DCC: variants seen among roughly 807,000 people sequenced by gnomAD.
DCC encodes the protein DCC netrin 1 receptor.
DCC carries 58 observed loss-of-function variants against 172.5 expected under a neutral mutation model. The observed-to-expected ratio is 0.34, with a 90% confidence interval of 0.27 to 0.42. The LOEUF is 0.42. DCC is among the 10% of genes least tolerant of loss of function. The pLI is 1.00. For synonymous variants in DCC, 709 were observed against 644.5 expected (o/e 1.10, Z -1.52); for missense variants, 1,740 against 1,791.0 (o/e 0.97, Z 0.51).
intron 1 of DCC, among the ~76,000 whole-genome samples, chr18:52,418,867 T>G (rs1432230148): frequency 6.9e-6 from 1 of 144,740 alleles, no homozygotes; most frequent in Non-Finnish European, 1.5e-5. Flanking sequence ...TCTTTTTTTT[T>G]TTTTTTTTTT....
intron 7 of DCC, among the ~76,000 whole-genome samples, chr18:53,074,051 G>T (rs1438537881): frequency 2.0e-5 from 3 of 152,050 alleles, no homozygotes; most frequent in Non-Finnish European, 4.4e-5. Context: ...CTTTTTCAGT[G>T]TAATAGCACC....
chr18:53,334,114 A>C (rs2057564441), intron 14 of DCC, among the ~76,000 whole-genome samples: 1 of 152,192 alleles, frequency 6.6e-6, no homozygotes, highest in Non-Finnish European at 1.5e-5. Flanking sequence ...TATCCACTTT[A>C]TATCATCTTC....
chr18:53,070,365 T>C (rs1300585434), intron 7 of DCC, among the ~76,000 whole-genome samples: 2 of 152,096 alleles, frequency 1.3e-5, no homozygotes, highest in Non-Finnish European at 2.9e-5. Flanking sequence ...ACAATCAGGG[T>C]TGGGAAGACA....
chr18:52,637,118 G>A (rs891631557), intron 1 of DCC, among the ~76,000 whole-genome samples: 12 of 152,126 alleles, frequency 7.9e-5, no homozygotes, highest in Middle Eastern at 3.2e-3. Flanking sequence ...AGGAAAAGGG[G>A]GAAAGTAATA....
chr18:52,369,342 C>T (rs981566449), intron 1 of DCC, among the ~76,000 whole-genome samples: 1 of 151,688 alleles, frequency 6.6e-6, no homozygotes, highest in African/African-American at 2.4e-5. Context: ...GGTTATTTCT[C>T]CCCACCTCAG....
chr18:53,064,801 C>T (rs2042543823), intron 6 of DCC, among the ~76,000 whole-genome samples: 1 of 152,170 alleles, frequency 6.6e-6, no homozygotes, highest in Non-Finnish European at 1.5e-5. Flanking sequence ...TCCACTACCA[C>T]TGAATTAAAA....
chr18:52,712,461 A>G (rs1599039354), intron 1 of DCC, among the ~76,000 whole-genome samples: 1 of 152,340 alleles, frequency 6.6e-6, no homozygotes. Flanking sequence ...TCTTTACCAT[A>G]ACCCTATGAG....
intron 9 of DCC, among the ~76,000 whole-genome samples, chr18:53,190,051 C>CGAGTA (rs1369643060): frequency 6.6e-6 from 1 of 152,144 alleles, no homozygotes; most frequent in Non-Finnish European, 1.5e-5. Context: ...CTCAGCCTCC[C>CGAGTA]GAGTAGCTGG....
intron 1 of DCC, among the ~76,000 whole-genome samples, chr18:52,525,217 A>G (rs561044216): frequency 4.6e-5 from 7 of 152,156 alleles, no homozygotes; most frequent in African/African-American, 1.4e-4. Context: ...TATGTCCCCT[A>G]TAGCCACTAG....
intron 26 of DCC, among the ~76,000 whole-genome samples, chr18:53,492,731 A>G (rs2045973039): frequency 6.6e-6 from 1 of 152,212 alleles, no homozygotes; most frequent in African/African-American, 2.4e-5. Flanking sequence ...TTTTGAAGTC[A>G]GGTAGCATGA....
intron 1 of DCC, among the ~76,000 whole-genome samples, chr18:52,717,208 G>T (rs551155701): frequency 1.3e-5 from 2 of 152,152 alleles, no homozygotes; most frequent in East Asian, 3.9e-4. Context: ...TGGTGCAGAG[G>T]GGAATGTGAT....
intron 1 of DCC, among the ~76,000 whole-genome samples, chr18:52,613,176 T>G (rs935166940): frequency 1.3e-5 from 2 of 152,254 alleles, no homozygotes; most frequent in Non-Finnish European, 2.9e-5. Flanking sequence ...CATGGGATGA[T>G]CACAACAGAT....
In DCC at chr18:52,532,797, A is replaced by T. The variant is rs561837406; in HGVS notation, c.91+191919A>T. 2.0e-5 allele frequency among the ~76,000 whole-genome samples: 3 copies of T among 152,234 alleles called. No individual in the cohort carries two copies. The South Asian group carries it at 6.2e-4, about 32-fold the overall frequency. Reference sequence around the variant, plus strand: ...ATGAACTGTCATGGGTGGCTGAGATAAAATTCACATAAAATATATCCTTCT... The same window carrying T: ...ATGAACTGTCATGGGTGGCTGAGATTAAATTCACATAAAATATATCCTTCT... On this transcript the variant is annotated intron_variant, in intron 1 of 28. Coordinates refer to ENST00000442544, the MANE Select transcript of DCC (RefSeq NM_005215.4).
chr18:53,378,452 G>T (rs983802235), intron 15 of DCC, among the ~76,000 whole-genome samples: 3 of 152,136 alleles, frequency 2.0e-5, no homozygotes, highest in Admixed American at 6.5e-5. Flanking sequence ...GATTGAATGT[G>T]AATATGCAAG....
At chr18:52,671,583 C>G (rs80105015) in intron 1 of DCC, among the ~76,000 whole-genome samples, 2,574 of 149,308 alleles carry the variant, frequency 0.017, 75 homozygotes, top group African/African-American at 0.061. Flanking sequence ...TCACCCACCC[C>G]GGCTGGAGCA....
At chr18:53,241,518 G>A (rs181982383) in intron 12 of DCC, among the ~76,000 whole-genome samples, 19 of 152,216 alleles carry the variant, frequency 1.2e-4, no homozygotes, top group Non-Finnish European at 1.9e-4. Context: ...GGCTGGAGAG[G>A]TGGAGAGGAA....
At chr18:52,905,019 C>G (rs898035032) in intron 2 of DCC, among the ~76,000 whole-genome samples, 4 of 152,044 alleles carry the variant, frequency 2.6e-5, no homozygotes, top group Non-Finnish European at 5.9e-5. Context: ...TTGTTCATAT[C>G]AGGGGGTTTG....
chr18:53,227,538 G>A (rs549306795), intron 12 of DCC, among the ~76,000 whole-genome samples: 3 of 152,240 alleles, frequency 2.0e-5, no homozygotes, highest in Admixed American at 6.5e-5. Context: ...TCATCTTCAC[G>A]TTTCCCTAGC....
intron 7 of DCC, among the ~76,000 whole-genome samples, chr18:53,090,671 G>A (rs2042989646): frequency 9.7e-6 from 1 of 103,450 alleles, no homozygotes; most frequent in African/African-American, 3.6e-5. Context: ...TCCAGCCTGG[G>A]TGACAGAGCG....
Sources: allele counts gnomAD v4.1 joint callset (sites outside exome capture counted in the v4.1 genomes callset), GRCh38; gene constraint gnomAD v4.1.1; transcripts MANE v1.5; gene names NCBI Gene and HGNC (gene_info 2026-07-23, HGNC 2026-07-21).